Variants in EGR1 observed in about 807,000 individuals in gnomAD.
EGR1 encodes early growth response 1, also known as early growth response protein 1.
Under a neutral mutation model 30.2 loss-of-function variants are expected in EGR1, and 8 were observed. That is an observed-to-expected ratio of 0.26 (90% CI 0.16 to 0.48). The LOEUF is 0.48. Ranked by LOEUF, EGR1 falls within the 20% of genes least tolerant of loss-of-function variation. EGR1 has a pLI of 0.99. For synonymous variants in EGR1, 334 were observed against 312.8 expected (o/e 1.07, Z -0.72); for missense variants, 568 against 732.3 (o/e 0.78, Z 2.59).
In EGR1 at chr5:138,466,969, G is replaced by C; in HGVS notation, c.520G>C (p.Ala174Pro). Residue 174 changes from alanine (A) to proline (P), a missense_variant, in exon 2 of 2, where the codon GCA becomes CCA. By Grantham distance (27) the Ala-to-Pro change is conservative. Transcript: ENST00000239938. ...CAACCCACCGGCCTCCTCGTCCTCA[G>C]CACCATCTCCAGCGGCCTCCTCCGC... is the stretch of plus-strand genomic sequence containing the variant. ...MTNPPASSSS[A>P]PSPAASSASA... 1 of 1,613,914 alleles carries C rather than the reference G, an allele frequency of 6.2e-7. No individual in the cohort carries two copies. The highest frequency in any genetic ancestry group is 8.5e-7 in the Non-Finnish European group (1 of 1,180,008).
chr5:138,466,888 A>T lies in EGR1; in HGVS notation c.439A>T (p.Asn147Tyr). 6.2e-7 allele frequency: 1 copy of T among 1,614,002 alleles called. No homozygotes were observed. The highest frequency in any genetic ancestry group is 8.5e-7 in the Non-Finnish European group (1 of 1,180,002). Reference sequence around the variant, plus strand: ...CCTGGAGCCTGCACCCAACAGTGGCAACACCTTGTGGCCCGAGCCCCTCTT... The same window carrying T: ...CCTGGAGCCTGCACCCAACAGTGGCTACACCTTGTGGCCCGAGCCCCTCTT... Reference protein sequence around the residue: ...FSLEPAPNSGNTLWPEPLFSL... With the variant: ...FSLEPAPNSGYTLWPEPLFSL... Residue 147 changes from asparagine to tyrosine, a missense_variant, in exon 2 of 2, where the codon AAC (asparagine) becomes TAC (tyrosine). Asn to Tyr is a moderately radical substitution (Grantham distance 143). Around this residue, in one of 4 missense-constraint regions of EGR1, gnomAD observed 415 missense variants for 445.2 expected, o/e 0.93. Transcript: ENST00000239938.
chr5:138,466,356 C>T (rs895246408), intron 1 of EGR1, among the ~76,000 whole-genome samples: 1 of 152,254 alleles, frequency 6.6e-6, no homozygotes, highest in Non-Finnish European at 1.5e-5. Flanking sequence ...GGGGCTGCGC[C>T]CCCCACCTCC....
At position 138,465,986 on chromosome 5, in the gene EGR1, C is replaced by T. The variant is rs1436303934; in HGVS notation, c.225C>T (p.Gly75=). 1.9e-6 allele frequency: 3 copies of T among 1,609,672 alleles called. No individual in the cohort carries two copies. Among genetic ancestry groups the T allele is most frequent in the Non-Finnish European group, 2.5e-6 (3 of 1,178,210 alleles). ...GCGGGGGCGGTGGAGGCGGCGGGGGCGGCAGCAACAGCAGCAGCAGCAGCA... is the reference window on the plus strand; with the variant it reads ...GCGGGGGCGGTGGAGGCGGCGGGGGTGGCAGCAACAGCAGCAGCAGCAGCA... ...SSSGGGGGGG[G]GSNSSSSSST... is the part of the protein sequence containing the mutation. The change falls in exon 1 of 2, where the codon GGC becomes GGT. Residue 75 remains glycine (G), a synonymous_variant. Transcript: ENST00000239938.
Position 138,468,070 on chromosome 5 carries a change from G to A in EGR1, c.1621G>A (p.Glu541Lys). The change falls in exon 2 of 2, where the codon GAA becomes AAA. Residue 541 changes from glutamate to lysine, a missense_variant. Glu to Lys is a moderately conservative substitution (Grantham distance 56). Coordinates refer to ENST00000239938, the MANE Select transcript of EGR1 (RefSeq NM_001964.3). The stretch of plus-strand genomic sequence containing the variant: ...AGCAACCTTTTCTCCCAGGACAATT[G>A]AAATTTGCTAAAGGGAAAGGGGAAA... ...MTATFSPRTI[E>K]IC The A allele has an allele frequency of 6.4e-7, 1 of 1,562,834 alleles. No homozygotes were observed. The highest frequency in any genetic ancestry group is 8.7e-7 in the Non-Finnish European group (1 of 1,155,374).
Position 138,467,958 on chromosome 5 carries a change from C to T in EGR1, c.1509C>T (p.Pro503=), listed in dbSNP as rs202120386. The T allele has an allele frequency of 2.5e-6, 4 of 1,613,968 alleles. No individual in the cohort carries two copies. The highest frequency in any genetic ancestry group is 2.7e-5 in the African/African-American group (2 of 74,918). Residue 503 remains proline, a synonymous_variant, in exon 2 of 2, where the codon CCC becomes CCT. Coordinates refer to ENST00000239938, the MANE Select transcript of EGR1 (RefSeq NM_001964.3). This position sits in a 1 kb window ranked among gnomAD's most constrained non-coding sequence, Gnocchi z 8.3. The part of the protein sequence containing the change: ...PSVATTYSSV[P]PAFPAQVSSF... ...TGGCCACCACGTACTCCTCTGTTCC[C>T]CCTGCTTTCCCGGCCCAGGTCAGCA...
In EGR1 at chr5:138,468,526, G is replaced by T. The variant is rs1196479203; in HGVS notation, c.*445G>T. Reference sequence around the variant, plus strand: ...ATTTCGTTTTTCTTGGGGTACTCTTGATGTGAAGATAATTTGCATATTCTA... The same window carrying T: ...ATTTCGTTTTTCTTGGGGTACTCTTTATGTGAAGATAATTTGCATATTCTA... On this transcript the variant is annotated 3_prime_UTR_variant, in exon 2 of 2. Coordinates refer to ENST00000239938, the MANE Select transcript of EGR1 (RefSeq NM_001964.3). 5.0e-6 allele frequency: 1 copy of T among 199,058 alleles called. No individual in the cohort carries two copies. The highest frequency in any genetic ancestry group is 1.1e-5 in the Non-Finnish European group (1 of 93,012). The allele number at this position is 199,058 out of a possible 1,614,324, so 12.3% of individuals were successfully genotyped here. A position where few individuals can be genotyped will look rare whatever the true frequency, so the allele number is the denominator to read the frequency against.
At position 138,467,284 on chromosome 5, in the gene EGR1, A is replaced by T; in HGVS notation, c.835A>T (p.Ser279Cys). The T allele has an allele frequency of 6.2e-7, 1 of 1,613,518 alleles. No individual in the cohort carries two copies. The highest frequency in any genetic ancestry group is 8.5e-7 in the Non-Finnish European group (1 of 1,179,918). Residue 279 changes from serine to cysteine, a missense_variant, in exon 2 of 2, where the codon AGC becomes TGC. Physicochemically the swap from Ser to Cys is moderately radical, Grantham distance 112 (BLOSUM62 -1). This residue lies in a region of EGR1 where 415 missense variants were observed against 445.2 expected (regional missense o/e 0.93). Coordinates refer to ENST00000239938, the MANE Select transcript of EGR1 (RefSeq NM_001964.3). The surrounding 1 kb of genome is among the most constrained non-coding windows in gnomAD (Gnocchi z 8.3). ...CCAGAAGCCCTTCCAGGGCCTGGAG[A>T]GCCGCACCCAGCAGCCTTCGCTAAC... ...PDQKPFQGLE[S>C]RTQQPSLTPL...
At position 138,468,505 on chromosome 5, in the gene EGR1, C is replaced by A. The variant is rs1169350518; in HGVS notation, c.*424C>A. On this transcript the variant is annotated 3_prime_UTR_variant, in exon 2 of 2. Transcript: ENST00000239938. The stretch of plus-strand genomic sequence containing the variant: ...TGTACAGTGTCTGTGCCATGGATTT[C>A]GTTTTTCTTGGGGTACTCTTGATGT... 6 of 205,580 alleles carry A rather than the reference C, an allele frequency of 2.9e-5. No individual in the cohort carries two copies. Among genetic ancestry groups the A allele is most frequent in the Admixed American group, 2.8e-4 (5 of 17,582 alleles). 12.7% of individuals were successfully genotyped at this position (205,580 alleles called of 1,614,324 possible). A position where few individuals can be genotyped will look rare whatever the true frequency, so the allele number is the denominator to read the frequency against.
At position 138,465,988 on chromosome 5, in the gene EGR1, G is replaced by A. The variant is rs1580990912; in HGVS notation, c.227G>A (p.Gly76Asp). 1 of 1,609,044 alleles carries A rather than the reference G, an allele frequency of 6.2e-7. No homozygotes were observed. Among genetic ancestry groups the A allele is most frequent in the Non-Finnish European group, 8.5e-7 (1 of 1,177,972 alleles). Residue 76 changes from glycine to aspartate, a missense_variant, in exon 1 of 2, where the codon GGC becomes GAC. Gly to Asp is a moderately conservative substitution (Grantham distance 94). Transcript: ENST00000239938. Reference sequence around the variant, plus strand: ...GGGGGCGGTGGAGGCGGCGGGGGCGGCAGCAACAGCAGCAGCAGCAGCAGC... The same window carrying A: ...GGGGGCGGTGGAGGCGGCGGGGGCGACAGCAACAGCAGCAGCAGCAGCAGC... ...SSGGGGGGGG[G>D]SNSSSSSSTF...
At chr5:138,466,602 G>A (rs916644190) in intron 1 of EGR1, among the ~76,000 whole-genome samples, 155 bp from the exon 2 acceptor site, 1 of 152,218 alleles carries the variant, frequency 6.6e-6, no homozygotes, top group Non-Finnish European at 1.5e-5. Flanking sequence ...ACTGGTGCGG[G>A]TCCAGGAACA....
intron 1 of EGR1, among the ~76,000 whole-genome samples, chr5:138,466,289 A>G (rs1432266298): frequency 6.6e-6 from 1 of 152,162 alleles, no homozygotes; most frequent in African/African-American, 2.4e-5. Context: ...TTTGTTTTGG[A>G]TGGAGAGCTC....
At chr5:138,466,695 T>C in intron 1 of EGR1, 62 bp from the exon 2 acceptor site, 2 of 1,547,828 alleles carry the variant, frequency 1.3e-6, no homozygotes, top group South Asian at 2.5e-5. Context: ...GCTCGGGTCG[T>C]CCTCGTCCTC....
intron 1 of EGR1, among the ~76,000 whole-genome samples, chr5:138,466,536 G>A (rs765628731): frequency 6.6e-6 from 1 of 152,368 alleles, no homozygotes; most frequent in Middle Eastern, 3.4e-3. Flanking sequence ...GCTGCGAGCT[G>A]CAGTGGAGGG....
Position 138,465,721 on chromosome 5 carries a change from C to T in EGR1, c.-41C>T, listed in dbSNP as rs755238155. ...CTGCAGCTCCAGCCCCGGGCTGCAC[C>T]CCCCCGCCCCGACACCAGCTCTCCA... On this transcript the variant is annotated 5_prime_UTR_variant, in exon 1 of 2. Coordinates refer to ENST00000239938, the MANE Select transcript of EGR1 (RefSeq NM_001964.3). 2.0e-6 allele frequency: 3 copies of T among 1,522,990 alleles called. No homozygotes were observed. The highest frequency in any genetic ancestry group is 2.1e-5 in the Admixed American group (1 of 48,754). 94.3% of individuals were successfully genotyped at this position (1,522,990 alleles called of 1,614,324 possible).
In EGR1 at chr5:138,465,524, G is replaced by T; in HGVS notation, c.-238G>T. The T allele has an allele frequency of 3.6e-6, 1 of 276,088 alleles. No individual in the cohort carries two copies. The highest frequency in any genetic ancestry group is 1.4e-4 in the South Asian group (1 of 6,902). 17.1% of individuals were successfully genotyped at this position (276,088 alleles called of 1,614,324 possible). On this transcript the variant is annotated 5_prime_UTR_variant, in exon 1 of 2. Transcript: ENST00000239938. ...ACTTGGGGAGCCGCCGCCGCCATCCGCCGCCGCAGCCAGCTTCCGCCGCCG... is the reference window on the plus strand; with the variant it reads ...ACTTGGGGAGCCGCCGCCGCCATCCTCCGCCGCAGCCAGCTTCCGCCGCCG...
chr5:138,467,754 C>G lies in EGR1; in HGVS notation c.1305C>G (p.Ala435=). ...ACAAAAGTGTTGTGGCCTCTTCGGC[C>G]ACCTCCTCTCTCTCTTCCTACCCGT... ...KADKSVVASS[A]TSSLSSYPSP... Residue 435 remains alanine, a synonymous_variant, in exon 2 of 2, where the codon GCC becomes GCG. Coordinates refer to ENST00000239938, the MANE Select transcript of EGR1 (RefSeq NM_001964.3). This position sits in a 1 kb window ranked among gnomAD's most constrained non-coding sequence, Gnocchi z 8.3. 1 of 1,614,088 alleles carries G rather than the reference C, an allele frequency of 6.2e-7. No individual in the cohort carries two copies. Among genetic ancestry groups the G allele is most frequent in the Non-Finnish European group, 8.5e-7 (1 of 1,180,002 alleles).
chr5:138,465,633 C>T lies in EGR1; in HGVS notation c.-129C>T. 1 of 1,090,622 alleles carries T rather than the reference C, an allele frequency of 9.2e-7. No homozygotes were observed. The highest frequency in any genetic ancestry group is 1.2e-6 in the Non-Finnish European group (1 of 829,006). The allele number at this position is 1,090,622 out of a possible 1,614,324, so 67.6% of individuals were successfully genotyped here. A position where few individuals can be genotyped will look rare whatever the true frequency, so the allele number is the denominator to read the frequency against. ...CAGGGCGAGTCGGGGTCGCCGCCTG[C>T]ACGCTTCTCAGTGTTCCCCGCGCCC... On this transcript the variant is annotated 5_prime_UTR_variant, in exon 1 of 2. Coordinates refer to ENST00000239938, the MANE Select transcript of EGR1 (RefSeq NM_001964.3).
chr5:138,465,876 A>C lies in EGR1; in HGVS notation c.115A>C (p.Met39Leu), dbSNP rs1561813673. 3.7e-6 allele frequency: 6 copies of C among 1,613,830 alleles called. No individual in the cohort carries two copies. Among genetic ancestry groups the C allele is most frequent in the East Asian group, 2.2e-5 (1 of 44,884 alleles). ...MDNYPKLEEM[M>L]LLSNGAPQFL... ...CAACTACCCTAAGCTGGAGGAGATG[A>C]TGCTGCTGAGCAACGGGGCTCCCCA... The change falls in exon 1 of 2, where the codon ATG (methionine) becomes CTG (leucine). Residue 39 changes from methionine to leucine, a missense_variant. Transcript: ENST00000239938.
chr5:138,467,499 C>G lies in EGR1; in HGVS notation c.1050C>G (p.Ser350=), dbSNP rs150618691. Residue 350 remains serine (S), a synonymous_variant, in exon 2 of 2, where the codon TCC becomes TCG. Transcript: ENST00000239938. This position sits in a 1 kb window ranked among gnomAD's most constrained non-coding sequence, Gnocchi z 8.3. ...TGGAGTCCTGTGATCGCCGCTTCTC[C>G]CGCTCCGACGAGCTCACCCGCCACA... ...CPVESCDRRF[S]RSDELTRHIR... The G allele has an allele frequency of 5.6e-6, 9 of 1,612,052 alleles. No individual in the cohort carries two copies. The highest frequency in any genetic ancestry group is 6.8e-6 in the Non-Finnish European group (8 of 1,180,000).
Sources: allele counts gnomAD v4.1 joint callset (sites outside exome capture counted in the v4.1 genomes callset), GRCh38; gene constraint gnomAD v4.1.1; regional missense constraint gnomAD v4.1.1; non-coding constraint Gnocchi (gnomAD v3.1); transcripts MANE v1.5; gene names NCBI Gene and HGNC (gene_info 2026-07-23, HGNC 2026-07-21).